TMPRSS15: variants seen among roughly 807,000 people sequenced by gnomAD.
The protein encoded by TMPRSS15 is transmembrane serine protease 15.
Under a neutral mutation model 125.3 loss-of-function variants are expected in TMPRSS15, and 128 were observed. That is an observed-to-expected ratio of 1.02 (90% CI 0.89 to 1.18). TMPRSS15 has a LOEUF of 1.18. Among genes scored for constraint, TMPRSS15 ranks in the 50% most tolerant of loss-of-function variants. The probability of loss-of-function intolerance (pLI) is 0.00; values close to 1 mark genes in which losing one functional copy is unlikely to be tolerated. For missense variants in TMPRSS15, 1,283 were observed against 1,212.7 expected (o/e 1.06, Z -0.86); for synonymous variants, 446 against 423.2 (o/e 1.05, Z -0.66).
chr21:18,317,771 T>C (rs1211923208), intron 16 of TMPRSS15, among the ~76,000 whole-genome samples: 1 of 94,384 alleles, frequency 1.1e-5, no homozygotes, highest in Non-Finnish European at 2.2e-5. Context: ...TCCCATCCCA[T>C]CCCATCCCAT....
intron 1 of TMPRSS15, among the ~76,000 whole-genome samples, chr21:18,479,478 T>C (rs1978939364): frequency 6.6e-6 from 1 of 151,978 alleles, no homozygotes. Flanking sequence ...AAATGCATCA[T>C]GGCAATTTTC....
intron 3 of TMPRSS15, among the ~76,000 whole-genome samples, chr21:18,392,278 A>G (rs1272317601): frequency 2.0e-5 from 3 of 152,004 alleles, no homozygotes; most frequent in Non-Finnish European, 1.5e-5. Flanking sequence ...AAACTTTTAT[A>G]CTCTGTCACC....
intron 1 of TMPRSS15, among the ~76,000 whole-genome samples, chr21:18,399,273 G>C (rs73196465): frequency 0.12 from 18,952 of 152,010 alleles, 1,464 homozygotes; most frequent in East Asian, 0.31. Context: ...CTGGAATTTG[G>C]TCATTGAAAT....
intron 18 of TMPRSS15, among the ~76,000 whole-genome samples, chr21:18,306,212 T>C (rs1429881956): frequency 6.6e-6 from 1 of 152,164 alleles, no homozygotes; most frequent in Non-Finnish European, 1.5e-5. Flanking sequence ...CTTGAAAATT[T>C]TGGGACATTG....
chr21:18,365,057 A>T (rs556080495), intron 7 of TMPRSS15, 83 bp downstream of exon 7: 2 of 1,170,936 alleles, frequency 1.7e-6, no homozygotes, highest in East Asian at 2.4e-5. Context: ...ATGATTCTTT[A>T]AAAAACTACT....
intron 24 of TMPRSS15, among the ~76,000 whole-genome samples, chr21:18,271,427 C>T (rs1009706058): frequency 6.6e-6 from 1 of 152,134 alleles, no homozygotes; most frequent in African/African-American, 2.4e-5. Context: ...TTACCCAGAA[C>T]ATACTGGGTC....
chr21:18,451,807 C>T (rs1160447379), intron 1 of TMPRSS15, among the ~76,000 whole-genome samples: 1 of 152,098 alleles, frequency 6.6e-6, no homozygotes, highest in Non-Finnish European at 1.5e-5. Flanking sequence ...AGATACTACA[C>T]ATTTTTGACT....
chr21:18,472,247 A>G (rs898078690), intron 1 of TMPRSS15, among the ~76,000 whole-genome samples: 1 of 152,000 alleles, frequency 6.6e-6, no homozygotes, highest in African/African-American at 2.4e-5. Flanking sequence ...TCTATGAGAA[A>G]AGAGGCTGGA....
In TMPRSS15 at chr21:18,326,539, A is replaced by G; in HGVS notation, c.1814T>C (p.Val605Ala). The G allele has an allele frequency of 6.2e-7, 1 of 1,614,144 alleles. No individual in the cohort carries two copies. Among genetic ancestry groups the G allele is most frequent in the Non-Finnish European group, 8.5e-7 (1 of 1,179,974 alleles). The stretch of plus-strand genomic sequence containing the variant: ...AGTCATTCTGTTGGTGGTAGAGAAC[A>G]CATCCTTTACTGGGCCAGGCCCTGT... ...VYTGPGPVKD[V>A]FSTTNRMTVL... Residue 605 changes from valine to alanine, a missense_variant, in exon 16 of 25, where the codon GTG becomes GCG. Val to Ala is a moderately conservative substitution (Grantham distance 64). Coordinates refer to ENST00000284885, the MANE Select transcript of TMPRSS15 (RefSeq NM_002772.3).
chr21:18,452,607 G>T (rs1211949520), intron 1 of TMPRSS15, among the ~76,000 whole-genome samples: 1 of 152,134 alleles, frequency 6.6e-6, no homozygotes, highest in Non-Finnish European at 1.5e-5. Context: ...GGATGTTGAG[G>T]CTGAAGTGAG....
At position 18,343,501 on chromosome 21, in the gene TMPRSS15, C is replaced by T. The variant is rs774324787; in HGVS notation, c.1428+5G>A. ...CAAATATAAATAATAAAGTATTTTG[C>T]AAACCTTAAATTTAACTGTTTCATT... On this transcript the variant is annotated splice_donor_5th_base_variant and intron_variant, in intron 12 of 24. Coordinates refer to ENST00000284885, the MANE Select transcript of TMPRSS15 (RefSeq NM_002772.3). 6.2e-7 allele frequency: 1 copy of T among 1,602,000 alleles called. No homozygotes were observed. Among genetic ancestry groups the T allele is most frequent in the Non-Finnish European group, 8.5e-7 (1 of 1,170,002 alleles).
chr21:18,294,281 G>A lies in TMPRSS15; in HGVS notation c.2475C>T (p.His825=), dbSNP rs2074873648. ...VSSDWLVSAA[H]CVYGRNLEPS... is the part of the protein sequence containing the mutation. ...GACATCACACTCACCCATACACGCA[G>A]TGTGCGGCGGACACCAGCCAGTCAC... Residue 825 remains histidine, a synonymous_variant, in exon 21 of 25, where the codon CAC becomes CAT. Coordinates refer to ENST00000284885, the MANE Select transcript of TMPRSS15 (RefSeq NM_002772.3). The A allele has an allele frequency of 1.2e-6, 2 of 1,614,212 alleles. No individual in the cohort carries two copies. The highest frequency in any genetic ancestry group is 8.5e-7 in the Non-Finnish European group (1 of 1,180,050).
intron 1 of TMPRSS15, among the ~76,000 whole-genome samples, chr21:18,465,101 T>G (rs1978633072): frequency 6.6e-6 from 1 of 152,104 alleles, no homozygotes; most frequent in South Asian, 2.1e-4. Flanking sequence ...CAAGGCTGGT[T>G]CAACATACAC....
At chr21:18,295,166 G>A (rs539709181) in intron 19 of TMPRSS15, among the ~76,000 whole-genome samples, 44 of 152,244 alleles carry the variant, frequency 2.9e-4, no homozygotes, top group Non-Finnish European at 5.4e-4. Flanking sequence ...TGATGAATGC[G>A]TCACAGGTGC....
chr21:18,409,399 C>CT (rs558160206), intron 1 of TMPRSS15, among the ~76,000 whole-genome samples: 3 of 151,862 alleles, frequency 2.0e-5, no homozygotes, highest in African/African-American at 4.8e-5. Context: ...AGCTTCAAAT[C>CT]TTTTTTTGTG....
chr21:18,396,802 C>CTGTT (rs2076043224), intron 3 of TMPRSS15, among the ~76,000 whole-genome samples: 1 of 123,502 alleles, frequency 8.1e-6, no homozygotes. Flanking sequence ...ATCTGTCTGT[C>CTGTT]TGTCTGTCTA....
chr21:18,383,881 T>C (rs1388150860), intron 3 of TMPRSS15, 103 bp from the exon 4 acceptor site: 5 of 1,358,298 alleles, frequency 3.7e-6, no homozygotes, highest in Non-Finnish European at 5.1e-6. Context: ...AGTTATCATC[T>C]TGCTAATTCT....
intron 19 of TMPRSS15, 46 bp downstream of exon 19, chr21:18,297,688 G>A: frequency 7.1e-7 from 1 of 1,405,240 alleles, no homozygotes; most frequent in Non-Finnish European, 1.0e-6. Flanking sequence ...TCTATCTTCT[G>A]CCATGTCTAT....
At chr21:18,327,902 A>C (rs2075308859) in intron 15 of TMPRSS15, among the ~76,000 whole-genome samples, 1 of 152,016 alleles carries the variant, frequency 6.6e-6, no homozygotes, top group Non-Finnish European at 1.5e-5. Context: ...AAATACAAAA[A>C]ATTAGCCGGG....
Sources: allele counts gnomAD v4.1 joint callset (sites outside exome capture counted in the v4.1 genomes callset), GRCh38; gene constraint gnomAD v4.1.1; transcripts MANE v1.5; gene names NCBI Gene and HGNC (gene_info 2026-07-23, HGNC 2026-07-21).